The following RELN variants were observed in gnomAD, a reference collection of about 807,000 sequenced individuals.
RELN encodes the protein reelin.
In RELN, 108 loss-of-function variants were observed where a neutral mutation model predicts 427.6. The observed-to-expected ratio is 0.25, with a 90% confidence interval of 0.22 to 0.30. The LOEUF is 0.30. RELN is among the 10% of genes least tolerant of loss of function. The pLI is 1.00. For synonymous variants in RELN, 1,524 were observed against 1,513.4 expected (o/e 1.01, Z -0.16); for missense variants, 3,715 against 4,302.8 (o/e 0.86, Z 3.82).
Position 103,593,696 on chromosome 7 carries a change from C to T in RELN, c.3898G>A (p.Val1300Met). Residue 1300 changes from valine (V) to methionine (M), a missense_variant, in exon 27 of 65, where the codon GTG becomes ATG. Physicochemically the swap from Val to Met is conservative, Grantham distance 21. Coordinates refer to ENST00000428762, the MANE Select transcript of RELN (RefSeq NM_005045.4). ...TGCATAAATACCTTGAACTGTAGCACATATCCAGGTTTCAGGGTCAAATCT... is the reference window on the plus strand; with the variant it reads ...TGCATAAATACCTTGAACTGTAGCATATATCCAGGTTTCAGGGTCAAATCT... ...TRDLTLKPGY[V>M]LQFKLNIGCA... 4 of 1,613,724 alleles carry T rather than the reference C, an allele frequency of 2.5e-6. No individual in the cohort carries two copies. The highest frequency in any genetic ancestry group is 3.4e-6 in the Non-Finnish European group (4 of 1,179,666).
intron 3 of RELN, among the ~76,000 whole-genome samples, chr7:103,804,061 G>C (rs551783202): frequency 6.6e-6 from 1 of 152,192 alleles, no homozygotes; most frequent in South Asian, 2.1e-4. Flanking sequence ...ACTGCTCAGA[G>C]AGACAGAGTC....
intron 3 of RELN, among the ~76,000 whole-genome samples, chr7:103,809,093 C>A (rs1393841302): frequency 6.6e-6 from 1 of 152,156 alleles, no homozygotes; most frequent in Non-Finnish European, 1.5e-5. Flanking sequence ...TGGCCTTGGG[C>A]TTCTCAAGCC....
Position 103,889,437 on chromosome 7 carries a change from A to T in RELN, c.337+27638T>A, listed in dbSNP as rs542013801. Reference sequence around the variant, plus strand: ...ATGTGTAACTTACGAGTTAAAGTGCATAACTCACGGAAAGTGTGAAAAGCC... The same window carrying T: ...ATGTGTAACTTACGAGTTAAAGTGCTTAACTCACGGAAAGTGTGAAAAGCC... On this transcript the variant is annotated intron_variant, in intron 2 of 64. Coordinates refer to ENST00000428762, the MANE Select transcript of RELN (RefSeq NM_005045.4). Among the ~76,000 whole-genome samples the T allele has an allele frequency of 2.7e-3, 414 of 152,330 alleles. 4 individuals are homozygous for T. Among genetic ancestry groups the T allele is most frequent in the African/African-American group, 9.7e-3 (402 of 41,588 alleles).
chr7:103,874,199 A>G (rs969173677), intron 2 of RELN, among the ~76,000 whole-genome samples: 1 of 123,222 alleles, frequency 8.1e-6, no homozygotes, highest in Non-Finnish European at 1.8e-5. Flanking sequence ...TATTGATGGG[A>G]TGTATTTCAA....
At chr7:103,478,286 T>C in intron 64 of RELN, 103 bp downstream of exon 64, 1 of 634,086 alleles carries the variant, frequency 1.6e-6, no homozygotes, top group South Asian at 1.8e-5. Context: ...ATTTTTTTTT[T>C]TTTTTAGTTG....
Position 103,539,085 on chromosome 7 carries a change from A to G in RELN, c.7173T>C (p.Ser2391=), listed in dbSNP as rs770948566. The G allele has an allele frequency of 3.1e-6, 5 of 1,614,118 alleles. No homozygotes were observed. In the Admixed American group the frequency reaches 8.3e-5, roughly 27 times the overall value. ...TGGAGACGGCATACTCACCATAACA[A>G]GAGTCTGTGACTGAGCAGGAGGCAG... The part of the protein sequence containing the change: ...DFAASCSVTD[S]CYAIELEYSV... The change falls in exon 45 of 65, where the codon TCT becomes TCC. Residue 2391 remains serine (S), a synonymous_variant. Coordinates refer to ENST00000428762, the MANE Select transcript of RELN (RefSeq NM_005045.4).
chr7:103,733,486 C>A (rs1302162064), intron 6 of RELN, among the ~76,000 whole-genome samples: 3 of 136,112 alleles, frequency 2.2e-5, no homozygotes, highest in Non-Finnish European at 4.8e-5. Context: ...AAGACACATG[C>A]ACATGTATGT....
At chr7:103,643,554 A>G (rs944600963) in intron 16 of RELN, among the ~76,000 whole-genome samples, 3 of 151,966 alleles carry the variant, frequency 2.0e-5, no homozygotes, top group African/African-American at 7.2e-5. Context: ...GTCCTGGAGT[A>G]CAGCAGCTAT....
intron 4 of RELN, among the ~76,000 whole-genome samples, chr7:103,770,408 T>C (rs1791536338): frequency 6.6e-6 from 1 of 152,148 alleles, no homozygotes; most frequent in African/African-American, 2.4e-5. Flanking sequence ...CAATAACAAT[T>C]CCTTTTGTAA....
intron 50 of RELN, among the ~76,000 whole-genome samples, chr7:103,511,982 G>C (rs927514700): frequency 6.6e-6 from 1 of 152,132 alleles, no homozygotes; most frequent in Non-Finnish European, 1.5e-5. Flanking sequence ...TTGTGTGTGT[G>C]GTTTTTAGTT....
In RELN at chr7:103,511,164, A is replaced by G. The variant is rs2528858; in HGVS notation, c.8120-159T>C. Among the ~76,000 whole-genome samples the G allele has an allele frequency of 0.11, 16,103 of 152,226 alleles. 1,309 individuals are homozygous for G. Among genetic ancestry groups the G allele is most frequent in the African/African-American group, 0.22 (9,326 of 41,494 alleles). On this transcript the variant is annotated intron_variant, in intron 50 of 64. Transcript: ENST00000428762. ...CTAATATAAATACATTGTTTCAGGA[A>G]CATAAATACTAGGAGGATTGAGATA...
At chr7:103,983,863 CTGTGTGTGTGTGTG>C (rs59702742) in intron 1 of RELN, among the ~76,000 whole-genome samples, 31 of 148,430 alleles carry the variant, frequency 2.1e-4, no homozygotes, top group Non-Finnish European at 4.0e-4. Flanking sequence ...CTTCATATTT[CTGTGTGTGTGTGTG>C]TGTGTGTGTG....
chr7:103,489,044 A>T (rs1562845739), intron 60 of RELN, among the ~76,000 whole-genome samples: 1 of 152,226 alleles, frequency 6.6e-6, no homozygotes, highest in African/African-American at 2.4e-5. Flanking sequence ...ACCTGTTAGA[A>T]ACATTGGATC....
At chr7:103,725,812 C>G (rs1316263013) in intron 7 of RELN, among the ~76,000 whole-genome samples, 1 of 152,032 alleles carries the variant, frequency 6.6e-6, no homozygotes, top group Non-Finnish European at 1.5e-5. Context: ...TAAAAAGAAA[C>G]AAAAACTTGT....
At chr7:103,477,214 C>T (rs1235797783) in intron 64 of RELN, among the ~76,000 whole-genome samples, 1 of 152,156 alleles carries the variant, frequency 6.6e-6, no homozygotes, top group Non-Finnish European at 1.5e-5. Context: ...ATTGCAAGAT[C>T]TTTGAATAAC....
At chr7:103,518,856 T>C (rs953853786) in intron 49 of RELN, among the ~76,000 whole-genome samples, 12 of 152,172 alleles carry the variant, frequency 7.9e-5, no homozygotes, top group Non-Finnish European at 1.2e-4. Flanking sequence ...AAATGACCCA[T>C]ACGTTGTGTT....
chr7:103,863,587 C>T (rs1047719547), intron 2 of RELN, among the ~76,000 whole-genome samples: 1 of 152,106 alleles, frequency 6.6e-6, no homozygotes, highest in African/African-American at 2.4e-5. Flanking sequence ...TCACAGGACA[C>T]TAACCCTTAG....
chr7:103,781,970 T>C (rs1791902310), intron 3 of RELN, among the ~76,000 whole-genome samples: 1 of 152,182 alleles, frequency 6.6e-6, no homozygotes, highest in African/African-American at 2.4e-5. Flanking sequence ...AATATCCTCA[T>C]TGTTTACTAT....
At position 103,640,647 on chromosome 7, in the gene RELN, T is replaced by G. The variant is rs371204873; in HGVS notation, c.2003-38A>C. The G allele has an allele frequency of 2.5e-4, 395 of 1,601,242 alleles. No individual in the cohort carries two copies. The highest frequency in any genetic ancestry group is 8.3e-4 in the Middle Eastern group (5 of 6,046). Reference sequence around the variant, plus strand: ...AAAAGAGAACATAATTACAAAAACATAGAACACTACCAGTACAATTTTGTG... The same window carrying G: ...AAAAGAGAACATAATTACAAAAACAGAGAACACTACCAGTACAATTTTGTG... On this transcript the variant is annotated intron_variant, in intron 16 of 64. Transcript: ENST00000428762. This position sits in a 1 kb window ranked among gnomAD's most constrained non-coding sequence, Gnocchi z 4.1.
Sources: allele counts gnomAD v4.1 joint callset (sites outside exome capture counted in the v4.1 genomes callset), GRCh38; gene constraint gnomAD v4.1.1; non-coding constraint Gnocchi (gnomAD v3.1); transcripts MANE v1.5; gene names NCBI Gene and HGNC (gene_info 2026-07-23, HGNC 2026-07-21).